Variants in FCRL2 observed in about 807,000 individuals in gnomAD.
FCRL2 encodes Fc receptor like 2, also known as Fc receptor-like protein 2.
FCRL2 carries 48 observed loss-of-function variants against 59.8 expected under a neutral mutation model. The ratio of observed to expected loss-of-function variants is 0.80; its 90% CI spans 0.64 to 1.02. The LOEUF (loss-of-function observed/expected upper bound fraction) is 1.02, where lower values mean the gene tolerates loss of function less well. FCRL2 is among the 50% of genes least tolerant of loss of function. The pLI is 0.00. For synonymous variants in FCRL2, 251 were observed against 229.5 expected (o/e 1.09, Z -0.85); for missense variants, 658 against 597.3 (o/e 1.10, Z -1.06).
intron 7 of FCRL2, among the ~76,000 whole-genome samples, chr1:157,756,751 C>A (rs781172630): frequency 1.1e-4 from 16 of 151,186 alleles, no homozygotes; most frequent in African/African-American, 3.7e-4. Context: ...TCTGAAGCAG[C>A]CTAATTTTGG....
In FCRL2 at chr1:157,770,154, G is replaced by T. The variant is rs1338607947; in HGVS notation, c.311-4C>A. 6.2e-7 allele frequency: 1 copy of T among 1,612,312 alleles called. No homozygotes were observed. Among genetic ancestry groups the T allele is most frequent in the Non-Finnish European group, 8.5e-7 (1 of 1,179,130 alleles). On this transcript the variant is annotated splice_polypyrimidine_tract_variant and splice_region_variant and intron_variant, in intron 3 of 11. Transcript: ENST00000361516. ...AGCACAGGACGTTGAAAGAGCTCTA[G>T]AGAGAAGGATCACAATAGTCCCCAA...
In FCRL2 at chr1:157,775,810, A is replaced by C. The variant is rs1650366148; in HGVS notation, c.32-15T>G. 6.2e-7 allele frequency: 1 copy of C among 1,613,906 alleles called. No individual in the cohort carries two copies. The highest frequency in any genetic ancestry group is 8.5e-7 in the Non-Finnish European group (1 of 1,179,924). ...AGTGACTGCATCTGTGAGGAGATCA[A>C]AAGCCAGAGATTAGCACACAGCATT... On this transcript the variant is annotated splice_polypyrimidine_tract_variant and intron_variant, in intron 1 of 11. Coordinates refer to ENST00000361516, the MANE Select transcript of FCRL2 (RefSeq NM_030764.4).
chr1:157,768,934 T>C, intron 4 of FCRL2: 1 of 465,010 alleles, frequency 2.2e-6, no homozygotes, highest in Admixed American at 3.8e-5. Flanking sequence ...ATTTAAAGAC[T>C]TTGTGATAGA....
chr1:157,756,751 C>T (rs781172630), intron 7 of FCRL2, among the ~76,000 whole-genome samples: 1 of 151,186 alleles, frequency 6.6e-6, no homozygotes, highest in Non-Finnish European at 1.5e-5. Flanking sequence ...TCTGAAGCAG[C>T]CTAATTTTGG....
intron 3 of FCRL2, 92 bp downstream of exon 3, chr1:157,770,317 A>G: frequency 6.7e-7 from 1 of 1,486,940 alleles, no homozygotes; most frequent in Non-Finnish European, 9.1e-7. Flanking sequence ...GTCTATATTT[A>G]GCCCATGAGC....
chr1:157,754,276 C>T (rs911641665), intron 7 of FCRL2, among the ~76,000 whole-genome samples: 4 of 152,146 alleles, frequency 2.6e-5, no homozygotes. Flanking sequence ...CCCACCAAAA[C>T]CAAGATAGAA....
At chr1:157,752,303 C>T (rs1477976587) in intron 7 of FCRL2, among the ~76,000 whole-genome samples, 1 of 152,188 alleles carries the variant, frequency 6.6e-6, no homozygotes, top group Non-Finnish European at 1.5e-5. Flanking sequence ...CTCACAAGAT[C>T]TGATGGTTTT....
rs1244704323 is a variant in FCRL2, at chr1:157,746,522, T to C, written c.*214A>G. 3 of 591,816 alleles carry C rather than the reference T, an allele frequency of 5.1e-6. No homozygotes were observed. The highest frequency in any genetic ancestry group is 9.1e-6 in the Non-Finnish European group (3 of 331,298). 36.7% of individuals were successfully genotyped at this position (591,816 alleles called of 1,614,324 possible). A position where few individuals can be genotyped will look rare whatever the true frequency, so the allele number is the denominator to read the frequency against. On this transcript the variant is annotated 3_prime_UTR_variant, in exon 12 of 12. Coordinates refer to ENST00000361516, the MANE Select transcript of FCRL2 (RefSeq NM_030764.4). ...TAGCAGAAATAATTTATTTGCACAG[T>C]GTCTGGATGTAGCAGCAGTTCAATG...
intron 7 of FCRL2, among the ~76,000 whole-genome samples, chr1:157,764,860 C>T (rs1370927159): frequency 1.3e-5 from 2 of 152,088 alleles, no homozygotes; most frequent in Non-Finnish European, 2.9e-5. Context: ...ACACCTACAA[C>T]AAAAACGTGG....
At chr1:157,772,028 T>TTATATATATATATATATA (rs35452726) in intron 2 of FCRL2, among the ~76,000 whole-genome samples, 8 of 147,080 alleles carry the variant, frequency 5.4e-5, no homozygotes, top group African/African-American at 2.0e-4. Flanking sequence ...AACAATCTGA[T>TTATATATATATATATATA]TATATATATA....
chr1:157,769,174 C>T (rs909532000), intron 4 of FCRL2: 1 of 155,762 alleles, frequency 6.4e-6, no homozygotes, highest in African/African-American at 2.4e-5. Flanking sequence ...TGCTACATTG[C>T]CTTCTAATAA....
chr1:157,765,651 A>G (rs1649437168), intron 7 of FCRL2, among the ~76,000 whole-genome samples: 1 of 152,170 alleles, frequency 6.6e-6, no homozygotes, highest in African/African-American at 2.4e-5. Flanking sequence ...TGTGCTTTTG[A>G]CAGTGTTGTG....
chr1:157,768,313 AG>A (rs1443350927), intron 5 of FCRL2, 100 bp downstream of exon 5: 1 of 1,261,768 alleles, frequency 7.9e-7, no homozygotes, highest in Non-Finnish European at 1.1e-6. Flanking sequence ...GGTTCTCCAC[AG>A]CACTAATCCC....
chr1:157,769,797 T>C, intron 4 of FCRL2, 69 bp downstream of exon 4: 1 of 1,524,854 alleles, frequency 6.6e-7, no homozygotes. Flanking sequence ...AGAAACAGAC[T>C]AGTAGTCCAA....
At chr1:157,762,363 A>C (rs1351069745) in intron 7 of FCRL2, among the ~76,000 whole-genome samples, 2 of 152,328 alleles carry the variant, frequency 1.3e-5, no homozygotes, top group Non-Finnish European at 2.9e-5. Flanking sequence ...CAGGGGCCTG[A>C]GAATCCTTTC....
At chr1:157,754,976 G>A (rs2101685543) in intron 7 of FCRL2, among the ~76,000 whole-genome samples, 1 of 150,636 alleles carries the variant, frequency 6.6e-6, no homozygotes, top group East Asian at 2.0e-4. Context: ...AAAAAAAAAA[G>A]AAAAGAAAAG....
At chr1:157,776,977 A>G in intron 1 of FCRL2, 66 bp downstream of exon 1, 4 of 1,500,922 alleles carry the variant, frequency 2.7e-6, no homozygotes, top group Non-Finnish European at 3.7e-6. Context: ...AAAACCTCCA[A>G]CCTTTTGGGA....
chr1:157,752,356 C>T (rs1214991510), intron 7 of FCRL2, among the ~76,000 whole-genome samples: 3 of 152,324 alleles, frequency 2.0e-5, no homozygotes, highest in Admixed American at 1.3e-4. Context: ...CTTTGCCTGC[C>T]GCCATCCACA....
At chr1:157,767,125 T>G in intron 6 of FCRL2, 106 bp downstream of exon 6, 1 of 1,417,368 alleles carries the variant, frequency 7.1e-7, no homozygotes, top group Non-Finnish European at 9.6e-7. Context: ...GAGAAGCCAC[T>G]GGACACTGAG....
Sources: allele counts gnomAD v4.1 joint callset (sites outside exome capture counted in the v4.1 genomes callset), GRCh38; gene constraint gnomAD v4.1.1; transcripts MANE v1.5; gene names NCBI Gene and HGNC (gene_info 2026-07-23, HGNC 2026-07-21).